RGS20: variants seen among roughly 807,000 people sequenced by gnomAD.
The protein encoded by RGS20 is gz-selective GTPase-activating protein.
In RGS20, 30 loss-of-function variants were observed where a neutral mutation model predicts 33.6. The ratio of observed to expected loss-of-function variants is 0.89; its 90% CI spans 0.67 to 1.21. RGS20 has a LOEUF of 1.21. Among genes scored for constraint, RGS20 ranks in the 50% most tolerant of loss-of-function variants. The pLI is 0.00. For missense variants in RGS20, 472 were observed against 502.4 expected, an observed-to-expected ratio of 0.94 and a Z score of 0.58; for synonymous variants, 208 against 197.9, an observed-to-expected ratio of 1.05 and a Z score of -0.43.
At chr8:53,879,168 G>T in intron 1 of RGS20, 1 of 1,040,840 alleles carries the variant, frequency 9.6e-7, no homozygotes, top group Non-Finnish European at 1.4e-6. Flanking sequence ...CCAAAGTAAC[G>T]CTTCAAAATT....
At chr8:53,921,986 G>T (rs1024537888) in intron 2 of RGS20, among the ~76,000 whole-genome samples, 1 of 152,054 alleles carries the variant, frequency 6.6e-6, no homozygotes, top group Admixed American at 6.6e-5. Flanking sequence ...GATGCAGGTG[G>T]AGTGCTCTAT....
intron 2 of RGS20, among the ~76,000 whole-genome samples, chr8:53,893,828 G>C (rs1812781295): frequency 6.6e-6 from 1 of 152,142 alleles, no homozygotes; most frequent in Admixed American, 6.5e-5. Context: ...TGGCTTAAAG[G>C]ATGAAAGAGT....
At chr8:53,956,711 A>G (rs906025318) in intron 5 of RGS20, among the ~76,000 whole-genome samples, 12 of 152,238 alleles carry the variant, frequency 7.9e-5, no homozygotes, top group African/African-American at 2.9e-4. Context: ...ATGTTTGAAT[A>G]CTGAGTCCAA....
intron 2 of RGS20, chr8:53,881,032 G>C: frequency 6.3e-7 from 1 of 1,583,998 alleles, no homozygotes; most frequent in Non-Finnish European, 8.5e-7. Flanking sequence ...ACGGCGGACG[G>C]AGGCGAGCCG....
intron 2 of RGS20, among the ~76,000 whole-genome samples, chr8:53,901,516 G>T (rs1031634946): frequency 1.3e-5 from 2 of 152,196 alleles, no homozygotes; most frequent in African/African-American, 4.8e-5. Context: ...TAAGGTAGGT[G>T]TCTCTGCTGT....
At chr8:53,920,799 C>T (rs1193655119) in intron 2 of RGS20, among the ~76,000 whole-genome samples, 1 of 152,116 alleles carries the variant, frequency 6.6e-6, no homozygotes, top group Non-Finnish European at 1.5e-5. Flanking sequence ...CACTCTGTTG[C>T]CCGGGCTGGA....
intron 4 of RGS20, 55 bp downstream of exon 3, chr8:53,946,803 T>G: frequency 7.0e-7 from 1 of 1,430,636 alleles, no homozygotes; most frequent in Non-Finnish European, 9.8e-7. Flanking sequence ...CTAACCTCTT[T>G]CTTTTCTTTG....
At chr8:53,953,074 T>C (rs1433271798) in intron 4 of RGS20, among the ~76,000 whole-genome samples, 1 of 152,138 alleles carries the variant, frequency 6.6e-6, no homozygotes, top group Non-Finnish European at 1.5e-5. Context: ...GGGTGGGAGA[T>C]AGGTAAGGGA....
chr8:53,909,632 T>G (rs963400253), intron 2 of RGS20, among the ~76,000 whole-genome samples: 1 of 152,042 alleles, frequency 6.6e-6, no homozygotes, highest in African/African-American at 2.4e-5. Flanking sequence ...TATTAAAAAT[T>G]TGGAGATATA....
intron 3 of RGS20, among the ~76,000 whole-genome samples, chr8:53,940,172 A>G (rs760465985): frequency 7.2e-5 from 11 of 152,098 alleles, no homozygotes; most frequent in Non-Finnish European, 1.3e-4. Flanking sequence ...ATAAAGAGAA[A>G]TGTCAAAATA....
intron 2 of RGS20, chr8:53,880,934 G>A: frequency 7.1e-6 from 11 of 1,555,670 alleles, no homozygotes; most frequent in South Asian, 2.3e-5. Flanking sequence ...GCCGGAGAAA[G>A]GCGAAAGGCG....
rs754305847 is a variant in RGS20 at position 53,954,190 on chromosome 8, G to A, written c.858G>A (p.Glu286=). The A allele has an allele frequency of 2.5e-6, 4 of 1,613,926 alleles. No homozygotes were observed. Among genetic ancestry groups the A allele is most frequent in the African/African-American group, 1.3e-5 (1 of 75,012 alleles). Residue 286 remains glutamate (E), a synonymous_variant, in exon 5 of 6, where the codon GAG becomes GAA. Coordinates refer to ENST00000297313, the MANE Select transcript of RGS20 (RefSeq NM_170587.4). ...AATTCCTCCGAACAGAATTCAGTGA[G>A]GAAAATATGCTCTTCTGGATGGCCT...
At chr8:53,899,050 G>A (rs1018371854) in intron 2 of RGS20, among the ~76,000 whole-genome samples, 21 of 152,198 alleles carry the variant, frequency 1.4e-4, no homozygotes, top group African/African-American at 3.9e-4. Flanking sequence ...GTTCCCAGCT[G>A]TGATGTGTTA....
chr8:53,874,228 A>G (rs762217129), intron 1 of RGS20, among the ~76,000 whole-genome samples: 2 of 152,314 alleles, frequency 1.3e-5, no homozygotes, highest in South Asian at 4.1e-4. Flanking sequence ...TGACATTTTC[A>G]AGGATAACTG....
chr8:53,862,592 G>C (rs1360143464), intron 1 of RGS20, among the ~76,000 whole-genome samples: 1 of 152,190 alleles, frequency 6.6e-6, no homozygotes, highest in Non-Finnish European at 1.5e-5. Flanking sequence ...GAGGCCAGTA[G>C]TTTGGGGCCA....
intron 1 of RGS20, among the ~76,000 whole-genome samples, chr8:53,853,258 T>A (rs1374940202): frequency 5.9e-5 from 9 of 152,258 alleles, no homozygotes; most frequent in Non-Finnish European, 1.3e-4. Flanking sequence ...TGTATATGTG[T>A]GTATGTATAT....
Position 53,958,257 on chromosome 8 carries a change from T to A in RGS20, c.979-13T>A. ...AAGTCTCTAATACAGCTCCTACTCG[T>A]TTCTGTCGACAGGTGAGCTTAGACT... is the stretch of plus-strand genomic sequence containing the variant. On this transcript the variant is annotated splice_polypyrimidine_tract_variant and intron_variant, in intron 5 of 5. Coordinates refer to ENST00000297313, the MANE Select transcript of RGS20 (RefSeq NM_170587.4). 6.3e-7 allele frequency: 1 copy of A among 1,588,918 alleles called. No individual in the cohort carries two copies. Among genetic ancestry groups the A allele is most frequent in the Non-Finnish European group, 8.6e-7 (1 of 1,165,954 alleles).
chr8:53,871,626 AT>A (rs767306221), intron 1 of RGS20, among the ~76,000 whole-genome samples: 2,177 of 117,592 alleles, frequency 0.019, 35 homozygotes, highest in African/African-American at 0.088. Flanking sequence ...CAAAAAAAAA[AT>A]AATAATAATA....
At chr8:53,858,347 A>C (rs1338075001) in intron 1 of RGS20, among the ~76,000 whole-genome samples, 1 of 152,164 alleles carries the variant, frequency 6.6e-6, no homozygotes, top group Non-Finnish European at 1.5e-5. Context: ...AACAGGAAAA[A>C]TTGAAAACCA....
Sources: allele counts gnomAD v4.1 joint callset (sites outside exome capture counted in the v4.1 genomes callset), GRCh38; gene constraint gnomAD v4.1.1; transcripts MANE v1.5; gene names NCBI Gene and HGNC (gene_info 2026-07-23, HGNC 2026-07-21).